The following HSPG2 variants were observed in gnomAD, a reference collection of about 807,000 sequenced individuals.
HSPG2 encodes the protein heparan sulfate proteoglycan 2.
HSPG2 carries 278 observed loss-of-function variants against 526.6 expected under a neutral mutation model. That is an observed-to-expected ratio of 0.53 (90% confidence interval 0.48 to 0.58). The LOEUF (loss-of-function observed/expected upper bound fraction) is 0.58, where lower values mean the gene tolerates loss of function less well. Ranked by LOEUF, HSPG2 falls within the 20% of genes least tolerant of loss-of-function variation. The pLI, the probability that HSPG2 is intolerant of heterozygous loss-of-function variation, is 0.00. For synonymous variants in HSPG2, 2,465 were observed against 2,555.4 expected (o/e 0.96, Z 1.07); for missense variants, 5,354 against 6,099.5 (o/e 0.88, Z 4.07).
intron 1 of HSPG2, among the ~76,000 whole-genome samples, chr1:21,920,503 T>G (rs1644008271): frequency 6.6e-6 from 1 of 152,140 alleles, no homozygotes; most frequent in South Asian, 2.1e-4. Context: ...TCACTTTCAC[T>G]CCACTAGCAG....
rs1641388708 is a variant in HSPG2, at chr1:21,880,240, T to C, written c.2210A>G (p.Tyr737Cys). ...ACAGCTCTCGCAGGACAAGCCAGAA[T>C]AGCCAATGGGGCATCTGTGGGGACA... ...SVEECRCPIGYSGLSCESCDA... is the reference protein window; with the variant it reads ...SVEECRCPIGCSGLSCESCDA... Residue 737 changes from tyrosine (Y) to cysteine (C), a missense_variant, in exon 17 of 97, where the codon TAT becomes TGT. By Grantham distance (194) the Tyr-to-Cys change is radical. Coordinates refer to ENST00000374695, the MANE Select transcript of HSPG2 (RefSeq NM_005529.7). 6.2e-7 allele frequency: 1 copy of C among 1,614,156 alleles called. No homozygotes were observed. The highest frequency in any genetic ancestry group is 8.5e-7 in the Non-Finnish European group (1 of 1,180,030).
intron 1 of HSPG2, chr1:21,908,580 A>G (rs1359664875): frequency 1.4e-6 from 1 of 689,958 alleles, no homozygotes; most frequent in Non-Finnish European, 2.6e-6. Flanking sequence ...TCACGGCATA[A>G]TAGGTATTTA....
rs11584390 is a variant in HSPG2 at position 21,922,210 on chromosome 1, C to T, written c.63+14945G>A. Among the ~76,000 whole-genome samples the T allele has an allele frequency of 5.4e-3, 822 of 152,338 alleles. 10 individuals are homozygous for T. The highest frequency in any genetic ancestry group is 0.019 in the African/African-American group (797 of 41,570). ...TGCAGTGTAGGAATTGCCATTCCCA[C>T]CTGACAGAGGAGGCTCAGAGAGGCG... On this transcript the variant is annotated intron_variant, in intron 1 of 96. Coordinates refer to ENST00000374695, the MANE Select transcript of HSPG2 (RefSeq NM_005529.7).
At chr1:21,829,855 G>T (rs2097994466) in intron 86 of HSPG2, 138 bp downstream of exon 86, 2 of 827,560 alleles carry the variant, frequency 2.4e-6, no homozygotes, top group African/African-American at 1.7e-5. Flanking sequence ...GGGCAGACAT[G>T]TGGCCAGGTG....
chr1:21,885,255 G>C, intron 10 of HSPG2, 65 bp downstream of exon 10: 1 of 1,611,468 alleles, frequency 6.2e-7, no homozygotes, highest in East Asian at 2.2e-5. Flanking sequence ...TGGAGGCTGA[G>C]GCTGTGGACA....
rs371070086 is a variant in HSPG2, at chr1:21,828,009, A to G, written c.12532+21T>C. The G allele has an allele frequency of 8.2e-5, 132 of 1,613,354 alleles. No homozygotes were observed. The highest frequency in any genetic ancestry group is 1.1e-4 in the Non-Finnish European group (129 of 1,179,946). On this transcript the variant is annotated intron_variant, in intron 90 of 96. Transcript: ENST00000374695. This position sits in a 1 kb window ranked among gnomAD's most constrained non-coding sequence, Gnocchi z 6.0. ...GGGCCCCAAGACAGAGATGAAGTGG[A>G]GAGAAGCCAGGCCTGGGTACCTTGT...
Position 21,824,463 on chromosome 1 carries a change from C to G in HSPG2, c.12744+74G>C, listed in dbSNP as rs907179124. On this transcript the variant is annotated intron_variant, in intron 93 of 96. Coordinates refer to ENST00000374695, the MANE Select transcript of HSPG2 (RefSeq NM_005529.7). This position sits in a 1 kb window ranked among gnomAD's most constrained non-coding sequence, Gnocchi z 5.9. ...AGGGGGCTCTGCTTTCCCCTCCCCC[C>G]ACCACTCCGGCCACCAGGAAGCCAG... The G allele has an allele frequency of 6.9e-6, 11 of 1,603,176 alleles. No homozygotes were observed. The highest frequency in any genetic ancestry group is 2.7e-5 in the African/African-American group (2 of 74,768).
At position 21,836,806 on chromosome 1, in the gene HSPG2, G is replaced by C; in HGVS notation, c.10351C>G (p.Leu3451Val). ...PPGHSVQDGV[L>V]RIQNLDQSCQ... ...CCTGCCCCCGGCCCCACTCACCGGA[G>C]CACCCCATCCTGCACGCTGTGACCC... The change falls in exon 75 of 97, where the codon CTC (leucine) becomes GTC (valine). Residue 3451 changes from leucine to valine, a missense_variant. Leu to Val is a conservative substitution (Grantham distance 32). Transcript: ENST00000374695. 1 of 1,560,242 alleles carries C rather than the reference G, an allele frequency of 6.4e-7. No individual in the cohort carries two copies. Among genetic ancestry groups the C allele is most frequent in the Non-Finnish European group, 8.6e-7 (1 of 1,156,726 alleles).
In HSPG2 at chr1:21,848,694, G is replaced by A. The variant is rs751898061; in HGVS notation, c.7686C>T (p.Pro2562=). The A allele has an allele frequency of 1.2e-5, 20 of 1,613,836 alleles. No homozygotes were observed. The highest frequency in any genetic ancestry group is 1.7e-5 in the Admixed American group (1 of 60,010). ...DLNCLVASQA[P]HTITWYKRGG... ...CACGCTTATACCAGGTGATGGTGTGGGGAGCCTGGCTGGCAACCAGGCAGT... is the reference window on the plus strand; with the variant it reads ...CACGCTTATACCAGGTGATGGTGTGAGGAGCCTGGCTGGCAACCAGGCAGT... The change falls in exon 59 of 97, where the codon CCC becomes CCT. Residue 2562 remains proline, a synonymous_variant. Transcript: ENST00000374695. The surrounding 1 kb of genome is among the most constrained non-coding windows in gnomAD (Gnocchi z 4.9).
chr1:21,931,672 G>A (rs1333306668), intron 1 of HSPG2, among the ~76,000 whole-genome samples: 2 of 152,222 alleles, frequency 1.3e-5, no homozygotes, highest in Non-Finnish European at 2.9e-5. Context: ...GTCTGAGGGT[G>A]CAGAGCCCAC....
At chr1:21,855,735 T>C in intron 45 of HSPG2, 52 bp downstream of exon 45, 1 of 1,606,486 alleles carries the variant, frequency 6.2e-7, no homozygotes, top group Non-Finnish European at 8.5e-7. Context: ...GCCCCTCCCC[T>C]CCCACACCCA....
chr1:21,865,498 A>C lies in HSPG2; in HGVS notation c.4315-133T>G. The C allele has an allele frequency of 1.1e-6, 1 of 941,210 alleles. No homozygotes were observed. Among genetic ancestry groups the C allele is most frequent in the Non-Finnish European group, 1.7e-6 (1 of 588,180 alleles). The allele number at this position is 941,210 out of a possible 1,614,324, so 58.3% of individuals were successfully genotyped here. ...TGCTCTCCCAAGCTCATGCGCCCAA[A>C]GGAGTCAGGCACATGCCCACTGCCC... On this transcript the variant is annotated intron_variant, in intron 34 of 96. Coordinates refer to ENST00000374695, the MANE Select transcript of HSPG2 (RefSeq NM_005529.7). The surrounding 1 kb of genome is among the most constrained non-coding windows in gnomAD (Gnocchi z 5.4).
rs769066030 is a variant in HSPG2 at position 21,874,510 on chromosome 1, G to A, written c.3552C>T (p.Gly1184=). The A allele has an allele frequency of 1.9e-6, 3 of 1,613,452 alleles. No homozygotes were observed. Among genetic ancestry groups the A allele is most frequent in the East Asian group, 2.2e-5 (1 of 44,876 alleles). Residue 1184 remains glycine, a synonymous_variant, in exon 28 of 97, where the codon GGC becomes GGT. Transcript: ENST00000374695. ...CTGGCTGGCACTGCTCACACCGAGG[G>A]CCCTCCGTGTGATGCTGGCAGCCCT... The part of the protein sequence containing the change: ...ACQGCQHHTE[G]PRCEQCQPGY...
intron 3 of HSPG2, among the ~76,000 whole-genome samples, chr1:21,894,289 G>T (rs1016905565): frequency 2.0e-5 from 3 of 152,048 alleles, no homozygotes; most frequent in Non-Finnish European, 4.4e-5. Flanking sequence ...GTCTGGGACT[G>T]GGCCAGAGGC....
intron 42 of HSPG2, 82 bp from the exon 43 acceptor site, chr1:21,857,467 C>G: frequency 8.3e-7 from 1 of 1,197,686 alleles, no homozygotes; most frequent in Non-Finnish European, 1.2e-6. Flanking sequence ...TCCATAACCT[C>G]TAGGCATCAC....
Position 21,854,879 on chromosome 1 carries a change from G to GGCAGT in HSPG2, c.6097_6101dup (p.Gln2035LeufsTer30). On this transcript the variant is annotated frameshift_variant, in exon 48 of 97. Coordinates refer to ENST00000374695, the MANE Select transcript of HSPG2 (RefSeq NM_005529.7). LOFTEE classifies it high-confidence loss of function. Reference sequence around the variant, plus strand: ...GGACAACCACTTGGATCCGGGCCTGGGCAGTGCCTGCAGGGCTGGTGGCCA... The same window carrying GGCAGT: ...GGACAACCACTTGGATCCGGGCCTGGGCAGTGCAGTGCCTGCAGGGCTGGTGGCCA... The GGCAGT allele has an allele frequency of 6.2e-7, 1 of 1,614,160 alleles. No homozygotes were observed. The highest frequency in any genetic ancestry group is 8.5e-7 in the Non-Finnish European group (1 of 1,180,024).
chr1:21,865,050 C>A lies in HSPG2; in HGVS notation c.4419G>T (p.Gly1473=). 1 of 1,566,654 alleles carries A rather than the reference C, an allele frequency of 6.4e-7. No homozygotes were observed. The highest frequency in any genetic ancestry group is 2.4e-5 in the East Asian group (1 of 42,188). Residue 1473 remains glycine (G), a synonymous_variant, in exon 36 of 97, where the codon GGG becomes GGT. Transcript: ENST00000374695. The surrounding 1 kb of genome is among the most constrained non-coding windows in gnomAD (Gnocchi z 5.4). ...GGAGGTGCTCGCGTGTGGCCGGCTGCCCATCGGGCCGGCGCCAGAATTCCT... is the reference window on the plus strand; with the variant it reads ...GGAGGTGCTCGCGTGTGGCCGGCTGACCATCGGGCCGGCGCCAGAATTCCT... ...FREEFWRRPD[G]QPATREHLLM...
chr1:21,823,524 C>T (rs758255510), intron 96 of HSPG2, 36 bp from the exon 97 acceptor site: 1 of 1,609,028 alleles, frequency 6.2e-7, no homozygotes, highest in Non-Finnish European at 8.5e-7. Flanking sequence ...CTGTGGGCTC[C>T]AGCAGCCCAG....
At chr1:21,840,195 G>A in intron 71 of HSPG2, among the ~76,000 whole-genome samples, 178 bp from the exon 72 acceptor site, 1 of 152,196 alleles carries the variant, frequency 6.6e-6, no homozygotes, top group East Asian at 1.9e-4. Flanking sequence ...TTGGAGTGCA[G>A]TGGCACCATC....
Sources: gnomAD v4.1 joint callset for allele counts (sites outside exome capture counted in the v4.1 genomes callset) on GRCh38, gnomAD v4.1.1 for gene constraint, Gnocchi (gnomAD v3.1) non-coding constraint, MANE v1.5 for transcripts, NCBI Gene and HGNC (gene_info 2026-07-23, HGNC 2026-07-21) for gene names.